The following B4GALT1 variants were observed in gnomAD, a reference collection of about 807,000 sequenced individuals.
The protein encoded by B4GALT1 is beta-1,4-galactosyltransferase 1, also known as N-acetyllactosamine synthase.
B4GALT1 carries 16 observed loss-of-function variants against 34.9 expected under a neutral mutation model. That is an observed-to-expected ratio of 0.46 (90% confidence interval 0.31 to 0.70). The LOEUF is 0.70. B4GALT1 is among the 30% of genes least tolerant of loss of function. The pLI is 0.05. For missense variants in B4GALT1, 445 were observed against 530.5 expected, an observed-to-expected ratio of 0.84 and a Z score of 1.58; for synonymous variants, 221 against 218.1, an observed-to-expected ratio of 1.01 and a Z score of -0.12.
chr9:33,126,798 T>C (rs1005478803), intron 2 of B4GALT1, among the ~76,000 whole-genome samples: 2 of 152,136 alleles, frequency 1.3e-5, no homozygotes, highest in African/African-American at 4.8e-5. Context: ...AAGACACCAC[T>C]CTCAAGAGTG....
At chr9:33,181,595 A>G in the B4GALT1 span, among the ~76,000 whole-genome samples, 1 of 152,184 alleles carries the variant, frequency 6.6e-6, no homozygotes, top group African/African-American at 2.4e-5. Flanking sequence ...TGGTTGGGAC[A>G]GGCTAACTAC....
chr9:33,109,125 C>G (rs1271346811), downstream of B4GALT1, among the ~76,000 whole-genome samples: 1 of 152,192 alleles, frequency 6.6e-6, no homozygotes, highest in African/African-American at 2.4e-5. Flanking sequence ...CACTTTCAGT[C>G]CCACTCCCAT....
chr9:33,124,987 G>A (rs1315374904), intron 2 of B4GALT1, among the ~76,000 whole-genome samples: 1 of 152,198 alleles, frequency 6.6e-6, no homozygotes, highest in Non-Finnish European at 1.5e-5. Flanking sequence ...TTTCAAAGAC[G>A]CAGCTTTTAA....
chr9:33,127,214 C>A (rs1164479437), intron 2 of B4GALT1, among the ~76,000 whole-genome samples: 1 of 152,156 alleles, frequency 6.6e-6, no homozygotes, highest in African/African-American at 2.4e-5. Flanking sequence ...CCGCCCACCT[C>A]GGCCTCCCAA....
chr9:33,123,106 C>T lies in B4GALT1; in HGVS notation c.649-2500G>A, dbSNP rs560457868. ...CAGCCTGGCCAACATGGCGAAAGCC[C>T]GTCTCTACTAAAAATACAAAAATTA... On this transcript the variant is annotated intron_variant, in intron 2 of 5. Coordinates refer to ENST00000379731, the MANE Select transcript of B4GALT1 (RefSeq NM_001497.4). Among the ~76,000 whole-genome samples, 10 of 151,914 alleles carry T rather than the reference C, an allele frequency of 6.6e-5. No individual in the cohort carries two copies. The East Asian group carries it at 1.7e-3, about 27-fold the overall frequency.
Position 33,166,946 on chromosome 9 carries a change from C to A in B4GALT1, c.224G>T (p.Gly75Val). Residue 75 changes from glycine to valine, a missense_variant, in exon 1 of 6, where the codon GGG (glycine) becomes GTG (valine). Gly to Val is a moderately radical substitution (Grantham distance 109). This residue lies in a region of B4GALT1 where 349 missense variants were observed against 395.5 expected (regional missense o/e 0.88). Coordinates refer to ENST00000379731, the MANE Select transcript of B4GALT1 (RefSeq NM_001497.4). Reference sequence around the variant, plus strand: ...CCGGGCCCCTCCGGTCCGGAGCTCCCCGGAGGACTGCCCGATGGCGGCGGC... The same window carrying A: ...CCGGGCCCCTCCGGTCCGGAGCTCCACGGAGGACTGCCCGATGGCGGCGGC... Reference protein sequence around the residue: ...NSAAAIGQSSGELRTGGARPP... With the variant: ...NSAAAIGQSSVELRTGGARPP... 1 of 1,574,844 alleles carries A rather than the reference C, an allele frequency of 6.3e-7. No homozygotes were observed. Among genetic ancestry groups the A allele is most frequent in the East Asian group, 2.3e-5 (1 of 43,772 alleles).
intron 2 of B4GALT1, among the ~76,000 whole-genome samples, chr9:33,123,007 AG>A (rs762062629): frequency 5.9e-5 from 9 of 152,034 alleles, no homozygotes; most frequent in Non-Finnish European, 1.3e-4. Flanking sequence ...TGCCGGGCAC[AG>A]TGGCTCACGT....
downstream of B4GALT1, chr9:33,108,829 C>T (rs755234040): frequency 1.3e-5 from 2 of 152,060 alleles, no homozygotes; most frequent in Admixed American, 6.5e-5. Context: ...TTGGCCTCTG[C>T]GCTGGGTTCC....
At chr9:33,136,426 C>T (rs1204490684) in intron 1 of B4GALT1, among the ~76,000 whole-genome samples, 1 of 152,124 alleles carries the variant, frequency 6.6e-6, no homozygotes, top group African/African-American at 2.4e-5. Flanking sequence ...AAGGCTTGAA[C>T]CCAGGCTCCC....
chr9:33,115,172 G>A (rs1365573187), intron 4 of B4GALT1, among the ~76,000 whole-genome samples: 1 of 152,230 alleles, frequency 6.6e-6, no homozygotes, highest in African/African-American at 2.4e-5. Context: ...GAAGACGTGG[G>A]TCTCTGTTAA....
rs1839891448 is a variant in B4GALT1 at position 33,113,356 on chromosome 9, G to C, written c.*98C>G. ...ATGAGCGAAGGGGACCTGTCACTCA[G>C]ACTGGTAAAAATGAGAGGGACCAGC... On this transcript the variant is annotated 3_prime_UTR_variant, in exon 6 of 6. Transcript: ENST00000379731. 1.9e-6 allele frequency: 3 copies of C among 1,567,534 alleles called. No homozygotes were observed. The highest frequency in any genetic ancestry group is 4.5e-5 in the East Asian group (2 of 44,618).
the B4GALT1 span, chr9:33,179,088 C>T: frequency 1.3e-5 from 2 of 152,232 alleles, no homozygotes; most frequent in Non-Finnish European, 2.9e-5. Flanking sequence ...GTCACTTCCA[C>T]CCACATTCTA....
chr9:33,162,641 A>G (rs1014185404), intron 1 of B4GALT1, among the ~76,000 whole-genome samples: 4 of 152,234 alleles, frequency 2.6e-5, no homozygotes, highest in African/African-American at 9.6e-5. Context: ...ACCTCCAGGA[A>G]GAGCACTAGA....
chr9:33,130,286 G>A (rs1840174437), intron 2 of B4GALT1, among the ~76,000 whole-genome samples: 1 of 152,146 alleles, frequency 6.6e-6, no homozygotes, highest in Non-Finnish European at 1.5e-5. Flanking sequence ...CTTGAGTGAA[G>A]TCTCGTTTCC....
At position 33,142,425 on chromosome 9, in the gene B4GALT1, T is replaced by C. The variant is rs370249051; in HGVS notation, c.413-7001A>G. Among the ~76,000 whole-genome samples, 4 of 152,144 alleles carry C rather than the reference T, an allele frequency of 2.6e-5. No individual in the cohort carries two copies. The South Asian group carries it at 6.2e-4, about 24-fold the overall frequency. Reference sequence around the variant, plus strand: ...CTATCCCATTCCTAGTAAGGAAGTATCTTCCAAAATAAGGATGTCAAAACA... The same window carrying C: ...CTATCCCATTCCTAGTAAGGAAGTACCTTCCAAAATAAGGATGTCAAAACA... On this transcript the variant is annotated intron_variant, in intron 1 of 5. Transcript: ENST00000379731.
intron 5 of B4GALT1, 68 bp downstream of exon 5, chr9:33,113,706 C>T (rs1303055672): frequency 6.2e-6 from 10 of 1,608,094 alleles, no homozygotes; most frequent in South Asian, 3.3e-5. Context: ...CCTCTAGGCC[C>T]AGAGCCTCGG....
Position 33,167,322 on chromosome 9 carries a change from G to A in B4GALT1, c.-153C>T. ...CTGAGAGCTGAGACTCCTCCAGCCAGCCAGACCTGGGAGCGGCGAGAAGCC... is the reference window on the plus strand; with the variant it reads ...CTGAGAGCTGAGACTCCTCCAGCCAACCAGACCTGGGAGCGGCGAGAAGCC... On this transcript the variant is annotated 5_prime_UTR_variant, in exon 1 of 6. Coordinates refer to ENST00000379731, the MANE Select transcript of B4GALT1 (RefSeq NM_001497.4). 6 of 1,030,926 alleles carry A rather than the reference G, an allele frequency of 5.8e-6. No homozygotes were observed. Among genetic ancestry groups the A allele is most frequent in the Non-Finnish European group, 7.7e-6 (6 of 782,430 alleles). The allele number at this position is 1,030,926 out of a possible 1,614,324, so 63.9% of individuals were successfully genotyped here. A position where few individuals can be genotyped will look rare whatever the true frequency, so the allele number is the denominator to read the frequency against.
chr9:33,170,224 C>G (rs1840827594), upstream of B4GALT1, among the ~76,000 whole-genome samples: 3 of 152,072 alleles, frequency 2.0e-5, no homozygotes, highest in Non-Finnish European at 4.4e-5. Context: ...CCTGCCTCGG[C>G]CTCCCAAAGT....
chr9:33,126,225 G>A (rs1840093691), intron 2 of B4GALT1, among the ~76,000 whole-genome samples: 1 of 152,160 alleles, frequency 6.6e-6, no homozygotes, highest in Admixed American at 6.5e-5. Flanking sequence ...GGCCGAGTGG[G>A]TTGCATGAAA....
Sources: gnomAD v4.1 joint callset for allele counts (sites outside exome capture counted in the v4.1 genomes callset) on GRCh38, gnomAD v4.1.1 for gene constraint, gnomAD v4.1.1 regional missense constraint, MANE v1.5 for transcripts, NCBI Gene and HGNC (gene_info 2026-07-23, HGNC 2026-07-21) for gene names.